The following LUZP2 variants were observed in gnomAD, a reference collection of about 807,000 sequenced individuals.
LUZP2 encodes leucine zipper protein 2.
In LUZP2, 52 loss-of-function variants were observed where a neutral mutation model predicts 51.6. That is an observed-to-expected ratio of 1.01 (90% CI 0.81 to 1.27). The LOEUF is 1.27. Among genes scored for constraint, LUZP2 ranks in the 50% most tolerant of loss-of-function variants. The pLI is 0.00. For synonymous variants in LUZP2, 154 were observed against 137.3 expected, an observed-to-expected ratio of 1.12 and a Z score of -0.85; for missense variants, 436 against 395.4, an observed-to-expected ratio of 1.10 and a Z score of -0.87.
chr11:24,728,049 AC>A (rs1256944947), intron 1 of LUZP2, among the ~76,000 whole-genome samples: 1 of 152,044 alleles, frequency 6.6e-6, no homozygotes, highest in Non-Finnish European at 1.5e-5. Flanking sequence ...TACACAAATT[AC>A]CCTATTTAAC....
At chr11:24,506,609 T>C (rs1850152931) in intron 1 of LUZP2, among the ~76,000 whole-genome samples, 1 of 152,124 alleles carries the variant, frequency 6.6e-6, no homozygotes, top group South Asian at 2.1e-4. Context: ...TTTATTTCAG[T>C]TGGCCATTTT....
chr11:25,008,602 C>T (rs187340192), intron 9 of LUZP2, among the ~76,000 whole-genome samples: 4 of 152,286 alleles, frequency 2.6e-5, no homozygotes, highest in Admixed American at 2.6e-4. Flanking sequence ...GGGAGGGTTA[C>T]AATGTTACAG....
At chr11:24,526,287 G>A (rs942428475) in intron 1 of LUZP2, among the ~76,000 whole-genome samples, 2 of 149,032 alleles carry the variant, frequency 1.3e-5, no homozygotes, top group African/African-American at 4.9e-5. Flanking sequence ...AAGCTCAAGA[G>A]TGCATATTAC....
intron 9 of LUZP2, among the ~76,000 whole-genome samples, chr11:25,022,315 C>T (rs868415849): frequency 1.3e-5 from 2 of 151,994 alleles, no homozygotes; most frequent in Non-Finnish European, 1.5e-5. Flanking sequence ...TCCATGAACA[C>T]ATGGACCATG....
intron 1 of LUZP2, among the ~76,000 whole-genome samples, chr11:24,541,567 G>A (rs1851365240): frequency 6.6e-6 from 1 of 152,062 alleles, no homozygotes; most frequent in South Asian, 2.1e-4. Context: ...GTGTATGGAT[G>A]TTTTGTTGAA....
intron 5 of LUZP2, among the ~76,000 whole-genome samples, chr11:24,843,024 A>C (rs1189461477): frequency 6.6e-6 from 1 of 151,912 alleles, no homozygotes; most frequent in African/African-American, 2.4e-5. Context: ...AACGACTAAA[A>C]TAAGTAACAT....
intron 9 of LUZP2, among the ~76,000 whole-genome samples, chr11:24,984,462 C>T (rs1255582521): frequency 7.1e-6 from 1 of 140,596 alleles, no homozygotes; most frequent in East Asian, 2.1e-4. Flanking sequence ...AAAAATTATT[C>T]AAAACAATGT....
chr11:24,553,506 T>G (rs1286080340), intron 1 of LUZP2, among the ~76,000 whole-genome samples: 1 of 152,054 alleles, frequency 6.6e-6, no homozygotes, highest in East Asian at 1.9e-4. Context: ...AATTAGAAAT[T>G]TATATCTAGA....
At chr11:24,548,833 T>C (rs1055517386) in intron 1 of LUZP2, among the ~76,000 whole-genome samples, 9 of 152,072 alleles carry the variant, frequency 5.9e-5, no homozygotes, top group African/African-American at 2.2e-4. Context: ...CAAAATTAAA[T>C]ATCAAATGAT....
chr11:24,887,011 A>G (rs754099671), intron 5 of LUZP2, among the ~76,000 whole-genome samples: 4 of 152,104 alleles, frequency 2.6e-5, no homozygotes, highest in Non-Finnish European at 5.9e-5. Context: ...TATTTGCCTG[A>G]TCTGTGACCA....
intron 1 of LUZP2, among the ~76,000 whole-genome samples, chr11:24,666,823 C>T (rs1856228998): frequency 1.3e-5 from 2 of 152,056 alleles, no homozygotes; most frequent in Admixed American, 6.6e-5. Context: ...ATTGTTTTAG[C>T]CCAAAACCCA....
chr11:25,014,535 G>A (rs1350053217), intron 9 of LUZP2, among the ~76,000 whole-genome samples: 2 of 152,164 alleles, frequency 1.3e-5, no homozygotes, highest in South Asian at 4.1e-4. Flanking sequence ...TCTGTTGGCT[G>A]CATAAATGAC....
chr11:24,999,271 G>A (rs912139740), intron 9 of LUZP2, among the ~76,000 whole-genome samples: 2 of 151,898 alleles, frequency 1.3e-5, no homozygotes, highest in Non-Finnish European at 2.9e-5. Context: ...ATAATTTCCA[G>A]AGGTATAGTA....
intron 1 of LUZP2, among the ~76,000 whole-genome samples, chr11:24,577,353 G>C (rs1487120031): frequency 1.3e-5 from 2 of 151,888 alleles, no homozygotes; most frequent in Non-Finnish European, 2.9e-5. Context: ...ATGTTAATTT[G>C]GGGTTTTTCA....
chr11:24,706,907 A>C (rs2133921903), intron 1 of LUZP2, among the ~76,000 whole-genome samples: 1 of 152,140 alleles, frequency 6.6e-6, no homozygotes, highest in South Asian at 2.1e-4. Context: ...GGAAATAAGT[A>C]AATCGATTAA....
chr11:24,864,067 G>C (rs148605026), intron 5 of LUZP2, among the ~76,000 whole-genome samples: 40 of 152,214 alleles, frequency 2.6e-4, no homozygotes, highest in African/African-American at 9.4e-4. Context: ...AGAAAATAAT[G>C]ATTTCACTTT....
At chr11:24,554,422 T>C (rs1851807783) in intron 1 of LUZP2, among the ~76,000 whole-genome samples, 1 of 152,136 alleles carries the variant, frequency 6.6e-6, no homozygotes, top group African/African-American at 2.4e-5. Flanking sequence ...TTCTGAAATA[T>C]ACTATGAGTT....
intron 9 of LUZP2, among the ~76,000 whole-genome samples, chr11:25,005,549 G>A (rs536264080): frequency 6.6e-6 from 1 of 152,196 alleles, no homozygotes; most frequent in African/African-American, 2.4e-5. Flanking sequence ...AATGACTTAG[G>A]ATGCATTTCC....
At chr11:25,016,477 T>C (rs528790849) in intron 9 of LUZP2, among the ~76,000 whole-genome samples, 2 of 152,196 alleles carry the variant, frequency 1.3e-5, no homozygotes, top group South Asian at 4.1e-4. Context: ...CTGCAAAATA[T>C]ATTATTCCAT....
Sources: gnomAD v4.1 joint callset for allele counts (sites outside exome capture counted in the v4.1 genomes callset) on GRCh38, gnomAD v4.1.1 for gene constraint, MANE v1.5 for transcripts, NCBI Gene and HGNC (gene_info 2026-07-23, HGNC 2026-07-21) for gene names.